ZFHX3: variants seen among roughly 807,000 people sequenced by gnomAD.
ZFHX3 encodes the protein zinc finger homeobox 3.
Under a neutral mutation model 279.1 loss-of-function variants are expected in ZFHX3, and 42 were observed. That is an observed-to-expected ratio of 0.15 (90% CI 0.12 to 0.19). The LOEUF is 0.19. ZFHX3 is among the 10% of genes least tolerant of loss of function. The pLI is 1.00. For synonymous variants in ZFHX3, 2,293 were observed against 1,957.8 expected, an observed-to-expected ratio of 1.17 and a Z score of -4.52; for missense variants, 4,981 against 4,754.0, an observed-to-expected ratio of 1.05 and a Z score of -1.40.
At chr16:73,547,894 G>A (rs888940381) in intron 2 of ZFHX3, among the ~76,000 whole-genome samples, 3 of 152,280 alleles carry the variant, frequency 2.0e-5, no homozygotes, top group African/African-American at 4.8e-5. Flanking sequence ...GAACACAGAC[G>A]CAATGCTCAA....
intron 1 of ZFHX3, among the ~76,000 whole-genome samples, chr16:73,031,530 A>C (rs760291782): frequency 3.3e-5 from 5 of 152,170 alleles, no homozygotes; most frequent in Non-Finnish European, 5.9e-5. Context: ...TCATACAACA[A>C]ATTTCTGCTT....
chr16:73,321,936 C>T (rs1169768395), intron 3 of ZFHX3, among the ~76,000 whole-genome samples: 3 of 152,200 alleles, frequency 2.0e-5, no homozygotes, highest in African/African-American at 7.2e-5. Flanking sequence ...ATGTTCCCTC[C>T]TGAGGACCAA....
At chr16:73,016,387 T>TAAAAAAAAAACAA (rs1964105057) in intron 1 of ZFHX3, among the ~76,000 whole-genome samples, 1 of 148,584 alleles carries the variant, frequency 6.7e-6, no homozygotes, top group Admixed American at 6.7e-5. Flanking sequence ...TGAAGTGGTT[T>TAAAAAAAAAACAA]AAAAAAAAAA....
chr16:72,916,608 G>A (rs1440553525), intron 3 of ZFHX3, among the ~76,000 whole-genome samples: 1 of 152,168 alleles, frequency 6.6e-6, no homozygotes, highest in Non-Finnish European at 1.5e-5. Flanking sequence ...ACCAGGCAGT[G>A]CAAAACTAAA....
At chr16:72,860,454 T>A (rs2037857991) in intron 4 of ZFHX3, among the ~76,000 whole-genome samples, 1 of 151,968 alleles carries the variant, frequency 6.6e-6, no homozygotes, top group African/African-American at 2.4e-5. Context: ...TGAGACAGAG[T>A]CTCACTCACT....
intron 2 of ZFHX3, among the ~76,000 whole-genome samples, chr16:73,514,006 T>C (rs980273584): frequency 2.6e-5 from 4 of 152,300 alleles, no homozygotes; most frequent in Non-Finnish European, 5.9e-5. Context: ...CCCAGCACTT[T>C]GGGAGGCCAA....
chr16:73,222,072 A>G (rs1346544621), intron 5 of ZFHX3, among the ~76,000 whole-genome samples: 1 of 152,054 alleles, frequency 6.6e-6, no homozygotes, highest in African/African-American at 2.4e-5. Context: ...ATTGTTTCTC[A>G]GAGCTTCTTA....
At chr16:72,856,519 G>C (rs1792881393) in intron 4 of ZFHX3, among the ~76,000 whole-genome samples, 1 of 152,150 alleles carries the variant, frequency 6.6e-6, no homozygotes, top group Non-Finnish European at 1.5e-5. Flanking sequence ...ACCACCTCTG[G>C]GAGGAGAAGA....
At chr16:73,718,861 G>A (rs1242398177) in intron 1 of ZFHX3, among the ~76,000 whole-genome samples, 4 of 151,974 alleles carry the variant, frequency 2.6e-5, no homozygotes, top group Non-Finnish European at 2.9e-5. Context: ...TGATCTGCCC[G>A]CCTCGACCTC....
chr16:73,444,712 G>C (rs1482096982), intron 3 of ZFHX3, among the ~76,000 whole-genome samples: 2 of 152,198 alleles, frequency 1.3e-5, no homozygotes, highest in African/African-American at 4.8e-5. Flanking sequence ...AACTGATGGG[G>C]ATGCAACTGA....
chr16:73,699,827 T>G (rs931561044), intron 1 of ZFHX3, among the ~76,000 whole-genome samples: 1 of 152,224 alleles, frequency 6.6e-6, no homozygotes, highest in African/African-American at 2.4e-5. Flanking sequence ...AGTTCCAGTC[T>G]GCCTCAAGTT....
chr16:73,732,392 G>A (rs1009741135), intron 1 of ZFHX3, among the ~76,000 whole-genome samples: 4 of 152,200 alleles, frequency 2.6e-5, no homozygotes, highest in Non-Finnish European at 2.9e-5. Context: ...TAAATAAACA[G>A]TGAAATACAA....
intron 2 of ZFHX3, among the ~76,000 whole-genome samples, chr16:73,505,145 C>T (rs574169087): frequency 1.3e-5 from 2 of 152,070 alleles, no homozygotes; most frequent in East Asian, 3.9e-4. Flanking sequence ...CCATGGTTAC[C>T]GGACAGCGGA....
chr16:73,580,424 G>C (rs933959568), intron 2 of ZFHX3, among the ~76,000 whole-genome samples: 2 of 151,752 alleles, frequency 1.3e-5, no homozygotes, highest in Non-Finnish European at 1.5e-5. Flanking sequence ...GTTGCAGTGA[G>C]CCAAGATCGT....
At chr16:73,582,856 T>G (rs34423000) in intron 2 of ZFHX3, among the ~76,000 whole-genome samples, 13,449 of 151,946 alleles carry the variant, frequency 0.089, 836 homozygotes, top group Non-Finnish European at 0.13. Context: ...TCAGCAAGAG[T>G]GCTTAAGAAG....
At position 73,688,694 on chromosome 16, in the gene ZFHX3, G is replaced by C. The variant is rs111724526; in HGVS notation, c.-1607-8454C>G. ...ATTTTTTCATAGCAGCCCTGATATGGTTTGGCTGTGTCCCCACCCAAATCT... is the reference window on the plus strand; with the variant it reads ...ATTTTTTCATAGCAGCCCTGATATGCTTTGGCTGTGTCCCCACCCAAATCT... On this transcript the variant is annotated intron_variant, in intron 1 of 17. Coordinates refer to the ZFHX3 transcript ENST00000641206. Among the ~76,000 whole-genome samples the C allele has an allele frequency of 1.5e-3, 233 of 152,240 alleles. 1 individual carries two copies. The highest frequency in any genetic ancestry group is 5.4e-3 in the African/African-American group (224 of 41,552).
chr16:73,157,404 A>C (rs1967115642), intron 5 of ZFHX3, among the ~76,000 whole-genome samples: 1 of 136,600 alleles, frequency 7.3e-6, no homozygotes, highest in Admixed American at 8.6e-5. Context: ...CCACAGGTTA[A>C]CTTCATTCTT....
At chr16:73,613,262 T>C (rs566384919) in intron 2 of ZFHX3, among the ~76,000 whole-genome samples, 1 of 152,318 alleles carries the variant, frequency 6.6e-6, no homozygotes, top group African/African-American at 2.4e-5. Context: ...GAGGCTCATG[T>C]GGAACATAAA....
chr16:73,169,618 C>T (rs1442180800), intron 5 of ZFHX3, among the ~76,000 whole-genome samples: 3 of 150,800 alleles, frequency 2.0e-5, no homozygotes, highest in Non-Finnish European at 4.4e-5. Flanking sequence ...AAGATTGTGC[C>T]ACTGCACTCC....
Sources: allele counts gnomAD v4.1 joint callset (sites outside exome capture counted in the v4.1 genomes callset), GRCh38; gene constraint gnomAD v4.1.1; transcripts MANE v1.5; gene names NCBI Gene and HGNC (gene_info 2026-07-23, HGNC 2026-07-21).